Variants in MCM3AP observed in about 807,000 individuals in gnomAD.
The protein encoded by MCM3AP is minichromosome maintenance complex component 3 associated protein.
A neutral mutation model predicts 184.1 loss-of-function variants in MCM3AP; 126 were observed. The observed-to-expected ratio is 0.68, with a 90% CI of 0.59 to 0.79. The LOEUF (loss-of-function observed/expected upper bound fraction) is 0.79. MCM3AP is among the 30% of genes least tolerant of loss of function. MCM3AP has a pLI of 0.00. For synonymous variants in MCM3AP, 1,002 were observed against 979.3 expected, an observed-to-expected ratio of 1.02 and a Z score of -0.43; for missense variants, 2,496 against 2,479.2, an observed-to-expected ratio of 1.01 and a Z score of -0.14.
intron 5 of MCM3AP, among the ~76,000 whole-genome samples, chr21:46,276,212 C>T (rs528708346): frequency 6.6e-6 from 1 of 151,498 alleles, no homozygotes; most frequent in Admixed American, 6.6e-5. Context: ...ACGTTGCGCT[C>T]ACTCTGTCAT....
At position 46,264,193 on chromosome 21, in the gene MCM3AP, G is replaced by C; in HGVS notation, c.3259C>G (p.Leu1087Val). 6.2e-7 allele frequency: 1 copy of C among 1,613,286 alleles called. No homozygotes were observed. Among genetic ancestry groups the C allele is most frequent in the Non-Finnish European group, 8.5e-7 (1 of 1,179,754 alleles). The change falls in exon 13 of 28, where the codon CTC becomes GTC. Residue 1087 changes from leucine to valine, a missense_variant. Leu to Val is a conservative substitution (Grantham distance 32). This residue lies in a region of MCM3AP where 1,323 missense variants were observed against 1,273.4 expected (regional missense o/e 1.04). Transcript: ENST00000291688. Reference protein sequence around the residue: ...DEDLAQVVDELIQEALQRDCE... With the variant: ...DEDLAQVVDEVIQEALQRDCE... Reference sequence around the variant, plus strand: ...TCCCTCTGCAGGGCCTCCTGGATGAGCTCGTCCACCACCTGCGCCAGGTCC... The same window carrying C: ...TCCCTCTGCAGGGCCTCCTGGATGACCTCGTCCACCACCTGCGCCAGGTCC...
intron 10 of MCM3AP, 126 bp downstream of exon 10, chr21:46,266,856 C>T: frequency 9.8e-7 from 1 of 1,024,292 alleles, no homozygotes; most frequent in Non-Finnish European, 1.4e-6. Flanking sequence ...CTCGTGTGTT[C>T]ACCTGCATGG....
chr21:46,277,685 G>C lies in MCM3AP; in HGVS notation c.1700C>G (p.Ala567Gly), dbSNP rs1416540403. The change falls in exon 5 of 28, where the codon GCC (alanine) becomes GGC (glycine). Residue 567 changes from alanine (A) to glycine (G), a missense_variant. Physicochemically the swap from Ala to Gly is moderately conservative, Grantham distance 60. Transcript: ENST00000291688. ...SPVKKPSLLK[A>G]HQFEGDSFDS... ...AAAAGAGTCTCCCTCGAATTGGTGG[G>C]CCTTTAGAAGACTTGGCTTCTTCAC... 7 of 1,597,854 alleles carry C rather than the reference G, an allele frequency of 4.4e-6. No homozygotes were observed. Among genetic ancestry groups the C allele is most frequent in the Non-Finnish European group, 5.1e-6 (6 of 1,172,502 alleles).
At chr21:46,253,989 T>TC (rs1206966831) in intron 19 of MCM3AP, 1 of 242,134 alleles carries the variant, frequency 4.1e-6, no homozygotes, top group African/African-American at 2.3e-5. Flanking sequence ...ATGTGGCATC[T>TC]CCCCCTTCTC....
rs773374066 is a variant in MCM3AP at position 46,280,377 on chromosome 21, T to C, written c.1522+120A>G. 27 of 854,190 alleles carry C rather than the reference T, an allele frequency of 3.2e-5. No individual in the cohort carries two copies. Among genetic ancestry groups the C allele is most frequent in the Admixed American group, 5.2e-5 (2 of 38,568 alleles). The allele number at this position is 854,190 out of a possible 1,614,324, so 52.9% of individuals were successfully genotyped here. ...GCATGAGAAACTGAAAAGAGGGCCA[T>C]GCACAATGGCTCATGCCTGTAATCC... is the stretch of plus-strand genomic sequence containing the variant. On this transcript the variant is annotated intron_variant, in intron 3 of 27. Transcript: ENST00000291688.
intron 12 of MCM3AP, 95 bp from the exon 13 acceptor site, chr21:46,264,312 G>C (rs928513469): frequency 1.3e-6 from 1 of 747,512 alleles, no homozygotes; most frequent in Non-Finnish European, 2.2e-6. Flanking sequence ...CAGGCGTCTC[G>C]TGACAGAAGC....
chr21:46,261,790 GA>G (rs910284849), intron 13 of MCM3AP, among the ~76,000 whole-genome samples: 1 of 149,384 alleles, frequency 6.7e-6, no homozygotes, highest in Non-Finnish European at 1.5e-5. Context: ...ATTGACAAGG[GA>G]AAAAAAACAC....
intron 16 of MCM3AP, among the ~76,000 whole-genome samples, chr21:46,257,589 G>A (rs879312403): frequency 5.3e-5 from 8 of 150,684 alleles, no homozygotes; most frequent in Non-Finnish European, 1.0e-4. Flanking sequence ...ATGTCTGTCT[G>A]TACAACAACA....
chr21:46,274,727 G>A (rs2081233075), intron 6 of MCM3AP, among the ~76,000 whole-genome samples: 1 of 152,010 alleles, frequency 6.6e-6, no homozygotes, highest in Non-Finnish European at 1.5e-5. Context: ...CTTGAGCTTA[G>A]GAGTTCGGGA....
At position 46,272,586 on chromosome 21, in the gene MCM3AP, T is replaced by A; in HGVS notation, c.2440A>T (p.Ser814Cys). 1 of 1,614,066 alleles carries A rather than the reference T, an allele frequency of 6.2e-7. No homozygotes were observed. Among genetic ancestry groups the A allele is most frequent in the Non-Finnish European group, 8.5e-7 (1 of 1,179,956 alleles). ...CTTAGGATGTCTCCCTTGTTGAGAC[T>A]GAGCAGAACATTGTAGCCCTGGAAC... is the stretch of plus-strand genomic sequence containing the variant. ...AEFQGYNVLL[S>C]LNKGDILREV... Residue 814 changes from serine (S) to cysteine (C), a missense_variant, in exon 8 of 28, where the codon AGT (serine) becomes TGT (cysteine). Around this residue, in one of 5 missense-constraint regions of MCM3AP, gnomAD observed 105 missense variants for 97.1 expected, o/e 1.08. Coordinates refer to ENST00000291688, the MANE Select transcript of MCM3AP (RefSeq NM_003906.5).
At chr21:46,253,492 T>A (rs2080902926) in intron 19 of MCM3AP, 1 of 152,352 alleles carries the variant, frequency 6.6e-6, no homozygotes, top group African/African-American at 2.4e-5. Flanking sequence ...AGTGATTGTA[T>A]CATGGGGGTG....
At chr21:46,273,679 C>G (rs188176586) in intron 6 of MCM3AP, 94 bp from the exon 7 acceptor site, 1 of 826,188 alleles carries the variant, frequency 1.2e-6, no homozygotes, top group African/African-American at 1.7e-5. Context: ...CACATACACA[C>G]CCACACAAGA....
chr21:46,267,853 C>CA (rs2081132890), intron 9 of MCM3AP: 1 of 151,906 alleles, frequency 6.6e-6, no homozygotes, highest in Admixed American at 6.6e-5. Flanking sequence ...GCCTTGATCA[C>CA]ACCACTGCAC....
At position 46,235,244 on chromosome 21, in the gene MCM3AP, C is replaced by G; in HGVS notation, c.*24G>C. On this transcript the variant is annotated 3_prime_UTR_variant, in exon 28 of 28. Coordinates refer to ENST00000291688, the MANE Select transcript of MCM3AP (RefSeq NM_003906.5). ...AAAAACAGAAACTCTTCGGGAGAGA[C>G]CCCCTCCCCACAGGTCAGGCTGCTC... is the stretch of plus-strand genomic sequence containing the variant. 1 of 1,611,256 alleles carries G rather than the reference C, an allele frequency of 6.2e-7. No homozygotes were observed.
At position 46,243,579 on chromosome 21, in the gene MCM3AP, G is replaced by A; in HGVS notation, c.5182C>T (p.Pro1728Ser). The change falls in exon 24 of 28, where the codon CCA becomes TCA. Residue 1728 changes from proline to serine, a missense_variant. By Grantham distance (74) the Pro-to-Ser change is moderately conservative (BLOSUM62 -1). Transcript: ENST00000291688. ...ACCGAGGGGCCTGCCCCATGGACTG[G>A]GGAGGGACTCTTGCTCTTCCACCTA... ...YCRWKSKSPS[P>S]VHGAGPSVME... 1 of 1,614,238 alleles carries A rather than the reference G, an allele frequency of 6.2e-7. No homozygotes were observed. The highest frequency in any genetic ancestry group is 8.5e-7 in the Non-Finnish European group (1 of 1,180,046).
intron 19 of MCM3AP, 99 bp from the exon 20 acceptor site, chr21:46,251,781 A>G (rs1345000594): frequency 1.4e-6 from 1 of 702,586 alleles, no homozygotes; most frequent in African/African-American, 1.8e-5. Context: ...AAAGAAAAAT[A>G]TCACACAGAC....
intron 26 of MCM3AP, among the ~76,000 whole-genome samples, chr21:46,237,191 T>TCCCA (rs953931171): frequency 1.3e-5 from 2 of 148,178 alleles, no homozygotes; most frequent in African/African-American, 5.0e-5. Context: ...AACCTCTGCC[T>TCCCA]CCCAGGTTCA....
At position 46,243,638 on chromosome 21, in the gene MCM3AP, G is replaced by A; in HGVS notation, c.5123C>T (p.Ser1708Phe). Reference sequence around the variant, plus strand: ...TCTGTGGAGCAGGTTCTCCACCTGGGACTGGAGGACAGGCTGTGTCTGGCG... The same window carrying A: ...TCTGTGGAGCAGGTTCTCCACCTGGAACTGGAGGACAGGCTGTGTCTGGCG... Reference protein sequence around the residue: ...SSRQTQPVLQSQVENLLHRTY... With the variant: ...SSRQTQPVLQFQVENLLHRTY... The change falls in exon 24 of 28, where the codon TCC (serine) becomes TTC (phenylalanine). Residue 1708 changes from serine (S) to phenylalanine (F), a missense_variant. Ser to Phe is a radical substitution (Grantham distance 155, BLOSUM62 -2). Around this residue, in one of 5 missense-constraint regions of MCM3AP, gnomAD observed 1,323 missense variants for 1,273.4 expected, o/e 1.04. Transcript: ENST00000291688. 1 of 1,614,230 alleles carries A rather than the reference G, an allele frequency of 6.2e-7. No individual in the cohort carries two copies. Among genetic ancestry groups the A allele is most frequent in the South Asian group, 1.1e-5 (1 of 91,090 alleles).
At chr21:46,257,161 A>G (rs1329808558) in intron 16 of MCM3AP, among the ~76,000 whole-genome samples, 175 bp from the exon 17 acceptor site, 1 of 152,224 alleles carries the variant, frequency 6.6e-6, no homozygotes, top group Non-Finnish European at 1.5e-5. Context: ...CTGACTTGGC[A>G]ATATGGATAC....
Sources: gnomAD v4.1 joint callset for allele counts (sites outside exome capture counted in the v4.1 genomes callset) on GRCh38, gnomAD v4.1.1 for gene constraint, gnomAD v4.1.1 regional missense constraint, MANE v1.5 for transcripts, NCBI Gene and HGNC (gene_info 2026-07-23, HGNC 2026-07-21) for gene names.